Variants in PBRM1 observed in about 807,000 individuals in gnomAD.
PBRM1 encodes the protein polybromo 1, also known as protein polybromo-1.
PBRM1 carries 27 observed loss-of-function variants against 194.5 expected under a neutral mutation model. The observed-to-expected ratio is 0.14, with a 90% CI of 0.10 to 0.19. The LOEUF (loss-of-function observed/expected upper bound fraction) is 0.19, where lower values mean the gene tolerates loss of function less well. Among genes scored for constraint, PBRM1 ranks in the 10% least tolerant of loss-of-function variants. The pLI, the probability that PBRM1 is intolerant of heterozygous loss-of-function variation, is 1.00. For missense variants in PBRM1, 1,466 were observed against 2,077.2 expected (o/e 0.71, Z 5.72); for synonymous variants, 655 against 693.2 (o/e 0.94, Z 0.87).
At chr3:52,611,932 A>T (rs1419179967) in intron 15 of PBRM1, among the ~76,000 whole-genome samples, 1 of 152,092 alleles carries the variant, frequency 6.6e-6, no homozygotes, top group African/African-American at 2.4e-5. Flanking sequence ...TAAGGGGTGG[A>T]AAAAGAGAGA....
At chr3:52,653,725 T>G (rs1334648278) in intron 5 of PBRM1, among the ~76,000 whole-genome samples, 1 of 151,588 alleles carries the variant, frequency 6.6e-6, no homozygotes, top group African/African-American at 2.4e-5. Context: ...GCCTGGCCAA[T>G]ATGGTGAAAC....
Position 52,603,723 on chromosome 3 carries a change from T to A in PBRM1, c.2577A>T (p.Ser859=), listed in dbSNP as rs373482501. 1.6e-5 allele frequency: 26 copies of A among 1,606,296 alleles called. No individual in the cohort carries two copies. In the Middle Eastern group the frequency reaches 6.8e-4, roughly 42 times the overall value. The change falls in exon 17 of 30, where the codon TCA becomes TCT. Residue 859 remains serine (S), a synonymous_variant. Coordinates refer to ENST00000296302, the Ensembl canonical transcript of PBRM1. Reference sequence around the variant, plus strand: ...GTTCTACTGCATCTTCATATATTTCTGAATCTGTCCTATAACAGCATCAAG... The same window carrying A: ...GTTCTACTGCATCTTCATATATTTCAGAATCTGTCCTATAACAGCATCAAG...
chr3:52,548,849 T>A (rs1410741125), intron 29 of PBRM1, among the ~76,000 whole-genome samples: 1 of 152,146 alleles, frequency 6.6e-6, no homozygotes, highest in Non-Finnish European at 1.5e-5. Flanking sequence ...AGAAATGAAA[T>A]GAGATGACCA....
chr3:52,591,511 GTTTTTTTT>G (rs57736913), intron 17 of PBRM1, among the ~76,000 whole-genome samples: 342 of 71,860 alleles, frequency 4.8e-3, no homozygotes, highest in Middle Eastern at 0.032. Flanking sequence ...TTTTGTCTTT[GTTTTTTTT>G]TTTTTTTTTT....
chr3:52,672,430 C>T (rs1305537620), intron 2 of PBRM1, among the ~76,000 whole-genome samples: 1 of 150,398 alleles, frequency 6.6e-6, no homozygotes, highest in African/African-American at 2.4e-5. Context: ...AGTTTTCTGA[C>T]TAACACACTC....
At chr3:52,587,118 A>G (rs1228611893) in intron 19 of PBRM1, among the ~76,000 whole-genome samples, 1 of 152,202 alleles carries the variant, frequency 6.6e-6, no homozygotes, top group Non-Finnish European at 1.5e-5. Flanking sequence ...TAGCCTGGCA[A>G]TATTAAAAAC....
chr3:52,563,370 A>G, exon 24 of PBRM1: 1 of 1,613,968 alleles, frequency 6.2e-7, no homozygotes, highest in Non-Finnish European at 8.5e-7. Context: ...TGACCTCACT[A>G]TCTTCTTCTC....
intron 17 of PBRM1, among the ~76,000 whole-genome samples, chr3:52,592,134 T>G (rs1231148979): frequency 6.7e-6 from 1 of 149,408 alleles, no homozygotes; most frequent in African/African-American, 2.5e-5. Context: ...TTTTTTTTTT[T>G]TTTTTTTTTT....
At chr3:52,649,018 C>A (rs1297699345) in intron 6 of PBRM1, among the ~76,000 whole-genome samples, 1 of 152,038 alleles carries the variant, frequency 6.6e-6, no homozygotes, top group East Asian at 1.9e-4. Flanking sequence ...GTAAGAGGCA[C>A]ACATGACTAA....
intron 7 of PBRM1, among the ~76,000 whole-genome samples, chr3:52,647,272 T>C (rs1295941534): frequency 1.3e-5 from 2 of 150,502 alleles, no homozygotes; most frequent in Admixed American, 1.3e-4. Flanking sequence ...GGAAAACAAG[T>C]GTTGGTGAGG....
chr3:52,682,783 A>G (rs2097227893), upstream of PBRM1, among the ~76,000 whole-genome samples: 1 of 152,132 alleles, frequency 6.6e-6, no homozygotes, highest in African/African-American at 2.4e-5. Flanking sequence ...ATAAGAACGT[A>G]ATGCCGGGAG....
intron 3 of PBRM1, among the ~76,000 whole-genome samples, chr3:52,662,491 T>C (rs1046403600): frequency 6.6e-6 from 1 of 152,108 alleles, no homozygotes; most frequent in Non-Finnish European, 1.5e-5. Flanking sequence ...TCTTATCTCA[T>C]TAAAGAAAGA....
chr3:52,609,260 T>C lies in PBRM1; in HGVS notation c.2567+53A>G. 1 of 1,359,154 alleles carries C rather than the reference T, an allele frequency of 7.4e-7. No individual in the cohort carries two copies. Among genetic ancestry groups the C allele is most frequent in the Non-Finnish European group, 1.0e-6 (1 of 972,314 alleles). 84.2% of individuals were successfully genotyped at this position (1,359,154 alleles called of 1,614,324 possible). A position where few individuals can be genotyped will look rare whatever the true frequency, so the allele number is the denominator to read the frequency against. The stretch of plus-strand genomic sequence containing the variant: ...CATCAAAGCAATATTCTTTCATCTG[T>C]TTTGTATTAAATAGCACATATCCTC... On this transcript the variant is annotated intron_variant, in intron 16 of 29. Coordinates refer to ENST00000296302, the Ensembl canonical transcript of PBRM1. This position sits in a 1 kb window ranked among gnomAD's most constrained non-coding sequence, Gnocchi z 4.1.
At chr3:52,566,619 A>G (rs1387181495) in intron 22 of PBRM1, among the ~76,000 whole-genome samples, 1 of 152,236 alleles carries the variant, frequency 6.6e-6, no homozygotes, top group Non-Finnish European at 1.5e-5. Flanking sequence ...AAATTCATGA[A>G]CAAAAAAAGT....
At chr3:52,603,683 T>C in exon 17 of PBRM1, 2 of 1,611,786 alleles carry the variant, frequency 1.2e-6, no homozygotes, top group Non-Finnish European at 1.7e-6. Flanking sequence ...CGAATTTTAA[T>C]AAAAAACTGC....
chr3:52,585,820 T>C (rs12629701), intron 20 of PBRM1: 63,264 of 152,118 alleles, frequency 0.42, 13,398 homozygotes, highest in Admixed American at 0.5. Flanking sequence ...CCACCGCGCC[T>C]GGCCTTCTTC....
chr3:52,592,122 G>GTTTTTT (rs1168998355), intron 17 of PBRM1, among the ~76,000 whole-genome samples: 4 of 120,288 alleles, frequency 3.3e-5, no homozygotes, highest in Non-Finnish European at 6.8e-5. Flanking sequence ...ACTGCACCAG[G>GTTTTTT]TTTTTTTTTT....
In PBRM1 at chr3:52,574,410, C is replaced by T. The variant is rs143377855; in HGVS notation, c.3691+2131G>A. On this transcript the variant is annotated intron_variant, in intron 22 of 29. Transcript: ENST00000296302. Reference sequence around the variant, plus strand: ...GGATTACACTTTAAGTCATGAATTTCGAAGGGGGCACAAACATTCAAATCA... The same window carrying T: ...GGATTACACTTTAAGTCATGAATTTTGAAGGGGGCACAAACATTCAAATCA... 9.9e-5 allele frequency among the ~76,000 whole-genome samples: 15 copies of T among 152,264 alleles called. No homozygotes were observed. In the East Asian group the frequency reaches 2.1e-3, roughly 22 times the overall value.
chr3:52,652,140 T>C (rs2096512733), intron 5 of PBRM1, among the ~76,000 whole-genome samples: 1 of 152,188 alleles, frequency 6.6e-6, no homozygotes, highest in Non-Finnish European at 1.5e-5. Flanking sequence ...TCCCAGCACT[T>C]TGGGAGGCCG....
Sources: allele counts gnomAD v4.1 joint callset (sites outside exome capture counted in the v4.1 genomes callset), GRCh38; gene constraint gnomAD v4.1.1; non-coding constraint Gnocchi (gnomAD v3.1); transcripts MANE v1.5; gene names NCBI Gene and HGNC (gene_info 2026-07-23, HGNC 2026-07-21).